Variants in DPM1 observed in about 807,000 individuals in gnomAD.
DPM1 encodes the protein dolichol-phosphate mannosyltransferase subunit 1.
DPM1 carries 27 observed loss-of-function variants against 39.0 expected under a neutral mutation model. The ratio of observed to expected loss-of-function variants is 0.69; its 90% confidence interval spans 0.51 to 0.95. The LOEUF (loss-of-function observed/expected upper bound fraction) is 0.95, where lower values mean the gene tolerates loss of function less well. Ranked by LOEUF, DPM1 falls within the 40% of genes least tolerant of loss-of-function variation. The pLI, the probability that DPM1 is intolerant of heterozygous loss-of-function variation, is 0.00. For missense variants in DPM1, 307 were observed against 315.6 expected, an observed-to-expected ratio of 0.97 and a Z score of 0.21; for synonymous variants, 124 against 109.0, an observed-to-expected ratio of 1.14 and a Z score of -0.86.
intron 1 of DPM1, among the ~76,000 whole-genome samples, chr20:50,957,885 T>C (rs1437432003): frequency 6.6e-6 from 1 of 152,186 alleles, no homozygotes; most frequent in Non-Finnish European, 1.5e-5. Flanking sequence ...GCTCTTCTGC[T>C]TTCTCCTTTC....
chr20:50,941,638 G>A (rs1985838544), intron 6 of DPM1, among the ~76,000 whole-genome samples: 2 of 151,896 alleles, frequency 1.3e-5, no homozygotes, highest in African/African-American at 4.8e-5. Context: ...AGCCCGGGAG[G>A]CAGAGGTTGC....
intron 7 of DPM1, among the ~76,000 whole-genome samples, chr20:50,938,661 T>C (rs942260710): frequency 1.3e-5 from 2 of 148,832 alleles, no homozygotes; most frequent in Non-Finnish European, 3.0e-5. Flanking sequence ...ATTACAGGCG[T>C]GAGCCACCGC....
At chr20:50,954,808 G>A (rs1316231141) in intron 2 of DPM1, among the ~76,000 whole-genome samples, 2 of 152,192 alleles carry the variant, frequency 1.3e-5, no homozygotes, top group African/African-American at 4.8e-5. Flanking sequence ...ATGAAAGCAT[G>A]AGAATACTTA....
chr20:50,948,744 C>T, intron 2 of DPM1, 82 bp from the exon 3 acceptor site: 9 of 1,227,858 alleles, frequency 7.3e-6, no homozygotes, highest in South Asian at 2.4e-5. Flanking sequence ...AAAGTGCATA[C>T]TCACTTTAAT....
chr20:50,941,896 C>CT (rs1239375869), intron 6 of DPM1, 135 bp downstream of exon 6: 15 of 762,740 alleles, frequency 2.0e-5, no homozygotes, highest in Admixed American at 8.3e-5. Context: ...CTGTAAGAAA[C>CT]TATCTGGGAG....
chr20:50,937,429 A>G (rs1186899861), intron 7 of DPM1, among the ~76,000 whole-genome samples: 1 of 152,096 alleles, frequency 6.6e-6, no homozygotes, highest in Admixed American at 6.6e-5. Context: ...ATAAATATTT[A>G]TTGACCAATG....
chr20:50,943,742 T>A (rs950683436), intron 5 of DPM1, among the ~76,000 whole-genome samples: 1 of 43,792 alleles, frequency 2.3e-5, no homozygotes, highest in Non-Finnish European at 4.1e-5. Flanking sequence ...GCCTGAGTAT[T>A]TTTTTTTTTT....
intron 2 of DPM1, among the ~76,000 whole-genome samples, chr20:50,951,173 G>C (rs1986555324): frequency 6.6e-6 from 1 of 152,174 alleles, no homozygotes; most frequent in Admixed American, 6.6e-5. Context: ...CCTCTTTTCA[G>C]ACTGCAGGTA....
At chr20:50,953,171 T>G (rs764642239) in intron 2 of DPM1, among the ~76,000 whole-genome samples, 1 of 152,212 alleles carries the variant, frequency 6.6e-6, no homozygotes, top group Non-Finnish European at 1.5e-5. Context: ...CACAGAGCAG[T>G]TGAAGTCCTT....
At chr20:50,942,991 AAC>A (rs1172336649) in intron 5 of DPM1, among the ~76,000 whole-genome samples, 1 of 152,176 alleles carries the variant, frequency 6.6e-6, no homozygotes, top group African/African-American at 2.4e-5. Context: ...TAGCCTGGCC[AAC>A]ACAGTGAAAC....
chr20:50,946,562 C>T (rs887148587), intron 3 of DPM1, among the ~76,000 whole-genome samples: 10 of 152,284 alleles, frequency 6.6e-5, no homozygotes, highest in East Asian at 1.9e-4. Flanking sequence ...TCTTTTACAC[C>T]GTAAACCTGG....
chr20:50,942,836 G>T (rs560084752), intron 5 of DPM1, among the ~76,000 whole-genome samples: 1 of 152,086 alleles, frequency 6.6e-6, no homozygotes, highest in South Asian at 2.1e-4. Flanking sequence ...TACAAAATTG[G>T]GATGCAAAAA....
In DPM1 at chr20:50,936,101, G is replaced by A. The variant is rs781603964; in HGVS notation, c.678+47C>T. On this transcript the variant is annotated intron_variant, in intron 8 of 8. Coordinates refer to ENST00000371588, the MANE Select transcript of DPM1 (RefSeq NM_003859.3). ...TATTATAAAAATTCTAAACCTTACT[G>A]CTCCTTTACCAGGAACATGACACAC... is the stretch of plus-strand genomic sequence containing the variant. 3.7e-6 allele frequency: 5 copies of A among 1,364,500 alleles called. No individual in the cohort carries two copies. The East Asian group carries it at 9.2e-5, about 25-fold the overall frequency. 84.5% of individuals were successfully genotyped at this position (1,364,500 alleles called of 1,614,324 possible). A position where few individuals can be genotyped will look rare whatever the true frequency, so the allele number is the denominator to read the frequency against.
chr20:50,949,761 T>C (rs934141210), intron 2 of DPM1, among the ~76,000 whole-genome samples: 1 of 135,398 alleles, frequency 7.4e-6, no homozygotes. Flanking sequence ...TTAAAGCAGA[T>C]GATTTTTTTT....
intron 5 of DPM1, among the ~76,000 whole-genome samples, chr20:50,945,288 G>GTGT (rs1986203394): frequency 4.4e-5 from 2 of 45,614 alleles, no homozygotes; most frequent in African/African-American, 5.7e-4. Context: ...TGTGTGTTGT[G>GTGT]TGTGTGTGTG....
At position 50,958,506 on chromosome 20, in the gene DPM1, G is replaced by T. The variant is rs141104808; in HGVS notation, c.18C>A (p.Val6=). 10 of 1,613,714 alleles carry T rather than the reference G, an allele frequency of 6.2e-6. No individual in the cohort carries two copies. The South Asian group carries it at 6.6e-5, about 11-fold the overall frequency. Residue 6 remains valine (V), a synonymous_variant, in exon 1 of 9, where the codon GTC becomes GTA. Transcript: ENST00000371588. ...GCCGAGACCTGCGAGGACTACGACTGACTTCCAAGGAGGCCATGGCGGAAC... is the reference window on the plus strand; with the variant it reads ...GCCGAGACCTGCGAGGACTACGACTTACTTCCAAGGAGGCCATGGCGGAAC... The part of the protein sequence containing the change: MASLE[V]SRSPRRSRRE...
At chr20:50,945,284 TTGTGTG>T (rs11474633) in intron 5 of DPM1, 4,137 of 157,028 alleles carry the variant, frequency 0.026, 165 homozygotes, top group African/African-American at 0.087. Context: ...CAAATGTGTG[TTGTGTG>T]TGTGTGTGTG....
At chr20:50,949,589 A>G (rs1320049474) in intron 2 of DPM1, among the ~76,000 whole-genome samples, 2 of 152,172 alleles carry the variant, frequency 1.3e-5, no homozygotes, top group Non-Finnish European at 2.9e-5. Flanking sequence ...GGACACTTTA[A>G]AAGTCAAATG....
At chr20:50,938,529 C>G (rs1985414505) in intron 7 of DPM1, among the ~76,000 whole-genome samples, 1 of 151,506 alleles carries the variant, frequency 6.6e-6, no homozygotes. Flanking sequence ...ACTACAGGCG[C>G]CCGCCACCAC....
Sources: allele counts gnomAD v4.1 joint callset (sites outside exome capture counted in the v4.1 genomes callset), GRCh38; gene constraint gnomAD v4.1.1; transcripts MANE v1.5; gene names NCBI Gene and HGNC (gene_info 2026-07-23, HGNC 2026-07-21).